Variants in TEAD1 observed in about 807,000 individuals in gnomAD.
The protein encoded by TEAD1 is TEA domain transcription factor 1, also known as transcriptional enhancer factor TEF-1.
In TEAD1, 9 loss-of-function variants were observed where a neutral mutation model predicts 54.9. That is an observed-to-expected ratio of 0.16 (90% CI 0.10 to 0.29). The LOEUF is 0.29. Among genes scored for constraint, TEAD1 ranks in the 10% least tolerant of loss-of-function variants. The pLI is 1.00. For missense variants in TEAD1, 387 were observed against 535.9 expected, an observed-to-expected ratio of 0.72 and a Z score of 2.74; for synonymous variants, 200 against 187.8, an observed-to-expected ratio of 1.07 and a Z score of -0.53.
At chr11:12,702,201 AC>A (rs1462883930) in intron 2 of TEAD1, among the ~76,000 whole-genome samples, 1 of 152,000 alleles carries the variant, frequency 6.6e-6, no homozygotes, top group Non-Finnish European at 1.5e-5. Context: ...TCTGCATTCA[AC>A]CCTTGGTGCC....
intron 2 of TEAD1, among the ~76,000 whole-genome samples, chr11:12,688,433 G>A (rs1482415417): frequency 6.6e-6 from 1 of 152,178 alleles, no homozygotes; most frequent in Admixed American, 6.5e-5. Flanking sequence ...TAAAAGGTGT[G>A]TGATCACTGA....
chr11:12,813,505 T>C (rs1264347835), intron 3 of TEAD1, among the ~76,000 whole-genome samples: 1 of 152,178 alleles, frequency 6.6e-6, no homozygotes, highest in East Asian at 1.9e-4. Context: ...GTGTGTATGT[T>C]TCATTTTTTA....
chr11:12,922,096 A>G (rs1034493434), intron 10 of TEAD1, among the ~76,000 whole-genome samples: 4 of 152,132 alleles, frequency 2.6e-5, no homozygotes, highest in Non-Finnish European at 4.4e-5. Flanking sequence ...TATTAGAAGC[A>G]CCTGAGACAA....
At chr11:12,740,293 A>G (rs947648743) in intron 2 of TEAD1, among the ~76,000 whole-genome samples, 2 of 152,248 alleles carry the variant, frequency 1.3e-5, no homozygotes, top group African/African-American at 2.4e-5. Context: ...GAGTCAGGAC[A>G]TACAAAGTGC....
rs1213932829 is a variant in TEAD1, at chr11:12,674,722, G to A, written c.-320G>A. Reference sequence around the variant, plus strand: ...GTGCTAGGCAGGGGTGGGGTGGCCGGGCCCAGGGACCGGGAGCCGGGGAGG... The same window carrying A: ...GTGCTAGGCAGGGGTGGGGTGGCCGAGCCCAGGGACCGGGAGCCGGGGAGG... On this transcript the variant is annotated 5_prime_UTR_variant, in exon 1 of 13. Coordinates refer to ENST00000527636, the MANE Select transcript of TEAD1 (RefSeq NM_021961.6). 2 of 151,014 alleles carry A rather than the reference G, an allele frequency of 1.3e-5. No homozygotes were observed. The highest frequency in any genetic ancestry group is 4.8e-5 in the African/African-American group (2 of 41,326). 9.4% of individuals were successfully genotyped at this position (151,014 alleles called of 1,614,324 possible).
intron 5 of TEAD1, chr11:12,865,323 G>C (rs10766000): frequency 0.25 from 40,202 of 162,728 alleles, 5,261 homozygotes; most frequent in South Asian, 0.33. Flanking sequence ...TTCCAAAGTG[G>C]TCATGAAATT....
chr11:12,826,260 T>C (rs1313275501), intron 3 of TEAD1, among the ~76,000 whole-genome samples: 2 of 152,222 alleles, frequency 1.3e-5, no homozygotes, highest in African/African-American at 4.8e-5. Context: ...AACATATTTT[T>C]ACTTACCACT....
At chr11:12,775,924 A>G (rs1021244782) in intron 3 of TEAD1, among the ~76,000 whole-genome samples, 11 of 152,016 alleles carry the variant, frequency 7.2e-5, no homozygotes, top group Non-Finnish European at 1.0e-4. Context: ...AGAGTTAGAA[A>G]GCAAACCATA....
At chr11:12,857,578 C>CTCTGTGTG (rs1343843895) in intron 3 of TEAD1, among the ~76,000 whole-genome samples, 6 of 145,750 alleles carry the variant, frequency 4.1e-5, no homozygotes, top group Non-Finnish European at 7.5e-5. Flanking sequence ...CTCTCTGTCT[C>CTCTGTGTG]TGTGTGTGTG....
intron 10 of TEAD1, among the ~76,000 whole-genome samples, chr11:12,921,739 C>T (rs1446525874): frequency 6.6e-6 from 1 of 151,902 alleles, no homozygotes; most frequent in East Asian, 1.9e-4. Flanking sequence ...GTTCAGAGCC[C>T]CTGTGTGCCT....
At chr11:12,788,065 T>C (rs1026244788) in intron 3 of TEAD1, among the ~76,000 whole-genome samples, 1 of 148,926 alleles carries the variant, frequency 6.7e-6, no homozygotes, top group Admixed American at 6.8e-5. Context: ...AGAGTTCGGG[T>C]GATTTTCCTG....
intron 3 of TEAD1, among the ~76,000 whole-genome samples, chr11:12,837,593 G>A (rs534733595): frequency 3.3e-5 from 5 of 152,158 alleles, no homozygotes; most frequent in African/African-American, 7.2e-5. Context: ...GTAGATGGCC[G>A]TCTTCTCATT....
At chr11:12,802,864 T>C (rs1323616067) in intron 3 of TEAD1, among the ~76,000 whole-genome samples, 1 of 152,220 alleles carries the variant, frequency 6.6e-6, no homozygotes, top group Non-Finnish European at 1.5e-5. Context: ...AACACCCTCA[T>C]AGTCCAAAAA....
At chr11:12,688,278 T>C (rs1489247510) in intron 2 of TEAD1, among the ~76,000 whole-genome samples, 1 of 152,176 alleles carries the variant, frequency 6.6e-6, no homozygotes, top group Non-Finnish European at 1.5e-5. Context: ...ATCAGGACTC[T>C]GAAAAAGACA....
chr11:12,751,368 C>T (rs1053152893), intron 2 of TEAD1, among the ~76,000 whole-genome samples: 12 of 151,790 alleles, frequency 7.9e-5, no homozygotes, highest in Admixed American at 2.0e-4. Flanking sequence ...AGGTGAGAGA[C>T]GCATAAACAA....
Position 12,902,002 on chromosome 11 carries a change from T to G in TEAD1, c.762T>G (p.Leu254=). The G allele has an allele frequency of 6.2e-7, 1 of 1,614,238 alleles. No homozygotes were observed. Among genetic ancestry groups the G allele is most frequent in the South Asian group, 1.1e-5 (1 of 91,090 alleles). ...ACCATTCTTACAGTGACCCATTGCT[T>G]GAATCAGTGGACATTCGTCAGATTT... Residue 254 remains leucine, a synonymous_variant, in exon 10 of 13, where the codon CTT becomes CTG. Transcript: ENST00000527636.
chr11:12,889,011 T>C (rs1426336479), intron 9 of TEAD1, among the ~76,000 whole-genome samples: 1 of 152,152 alleles, frequency 6.6e-6, no homozygotes, highest in Non-Finnish European at 1.5e-5. Flanking sequence ...GGTGGTGGTT[T>C]ATGTTGGAGG....
At chr11:12,802,679 G>T (rs930546994) in intron 3 of TEAD1, among the ~76,000 whole-genome samples, 1 of 152,084 alleles carries the variant, frequency 6.6e-6, no homozygotes, top group African/African-American at 2.4e-5. Flanking sequence ...ACACACTTTT[G>T]TCATTTCTTC....
chr11:12,678,784 A>G (rs1214414812), intron 2 of TEAD1, among the ~76,000 whole-genome samples: 1 of 152,182 alleles, frequency 6.6e-6, no homozygotes, highest in African/African-American at 2.4e-5. Context: ...AGTGTCCTCA[A>G]TCTGTAAGAT....
Sources: allele counts gnomAD v4.1 joint callset (sites outside exome capture counted in the v4.1 genomes callset), GRCh38; gene constraint gnomAD v4.1.1; transcripts MANE v1.5; gene names NCBI Gene and HGNC (gene_info 2026-07-23, HGNC 2026-07-21).